Variants in C1GALT1 observed in about 807,000 individuals in gnomAD.
C1GALT1 encodes glycoprotein-N-acetylgalactosamine 3-beta-galactosyltransferase 1.
In C1GALT1, 11 loss-of-function variants were observed where a neutral mutation model predicts 31.0. The ratio of observed to expected loss-of-function variants is 0.36; its 90% CI spans 0.22 to 0.59. The LOEUF is 0.59. Among genes scored for constraint, C1GALT1 ranks in the 20% least tolerant of loss-of-function variants. C1GALT1 has a pLI of 0.79. For synonymous variants in C1GALT1, 175 were observed against 143.6 expected (o/e 1.22, Z -1.56); for missense variants, 424 against 425.2 (o/e 1.00, Z 0.03).
At chr7:7,190,754 A>G (rs6971686) in intron 1 of C1GALT1, among the ~76,000 whole-genome samples, 23,840 of 151,986 alleles carry the variant, frequency 0.16, 2,175 homozygotes, top group East Asian at 0.37. Context: ...CTTAAAATTG[A>G]TCAGATCAGA....
chr7:7,213,173 A>G (rs928962350), intron 1 of C1GALT1, among the ~76,000 whole-genome samples: 1 of 152,182 alleles, frequency 6.6e-6, no homozygotes, highest in Non-Finnish European at 1.5e-5. Flanking sequence ...CAGTGTTACA[A>G]TCTTCAAAGC....
At chr7:7,173,901 C>T (rs528340313) in intron 2 of C1GALT1, among the ~76,000 whole-genome samples, 1 of 152,108 alleles carries the variant, frequency 6.6e-6, no homozygotes, top group Non-Finnish European at 1.5e-5. Context: ...AGCAAGACTC[C>T]ATCTCAAATT....
At chr7:7,223,660 C>G (rs1449161454) in intron 1 of C1GALT1, among the ~76,000 whole-genome samples, 2 of 151,538 alleles carry the variant, frequency 1.3e-5, no homozygotes, top group African/African-American at 2.4e-5. Flanking sequence ...TTCACAAAAT[C>G]CTTGAGATTT....
intron 1 of C1GALT1, chr7:7,209,324 G>T (rs1004979822): frequency 1.3e-5 from 2 of 152,040 alleles, no homozygotes; most frequent in African/African-American, 4.8e-5. Flanking sequence ...GGTTTTTTTG[G>T]ACAGCATTTT....
In C1GALT1 at chr7:7,230,195, T is replaced by C. The variant is rs191748601; in HGVS notation, c.-17-4108T>C. Reference sequence around the variant, plus strand: ...TTTTGGGATATTTTTATATCAAATATGAATATATTAAGTATGTACTTAATG... The same window carrying C: ...TTTTGGGATATTTTTATATCAAATACGAATATATTAAGTATGTACTTAATG... On this transcript the variant is annotated intron_variant, in intron 1 of 3. Coordinates refer to ENST00000436587, the MANE Select transcript of C1GALT1 (RefSeq NM_020156.5). 2.6e-5 allele frequency among the ~76,000 whole-genome samples: 4 copies of C among 152,320 alleles called. No individual in the cohort carries two copies. In the East Asian group the frequency reaches 7.7e-4, roughly 29 times the overall value.
At chr7:7,225,893 A>G (rs539907620) in intron 1 of C1GALT1, among the ~76,000 whole-genome samples, 3 of 152,208 alleles carry the variant, frequency 2.0e-5, no homozygotes, top group Admixed American at 6.5e-5. Flanking sequence ...AGAAAGGGAA[A>G]GGATATGGAA....
In C1GALT1 at chr7:7,168,444, C is replaced by T. The variant is rs554357743; in HGVS notation, c.-18+11018C>T. Among the ~76,000 whole-genome samples the T allele has an allele frequency of 1.3e-5, 2 of 152,266 alleles. 1 individual carries two copies. The highest frequency in any genetic ancestry group is 4.8e-5 in the African/African-American group (2 of 41,546). On this transcript the variant is annotated intron_variant, in intron 2 of 3. Transcript: ENST00000429911. ...TGTGAATATTGATTCAAGTAACTTTCATGGGAAATGGGAAAGAGAACTAAT... is the reference window on the plus strand; with the variant it reads ...TGTGAATATTGATTCAAGTAACTTTTATGGGAAATGGGAAAGAGAACTAAT...
intron 1 of C1GALT1, among the ~76,000 whole-genome samples, chr7:7,229,071 T>C (rs1782939864): frequency 6.6e-6 from 1 of 152,160 alleles, no homozygotes; most frequent in Non-Finnish European, 1.5e-5. Flanking sequence ...AAATAGGAAT[T>C]TTCTCTGGTC....
At position 7,186,651 on chromosome 7, in the gene C1GALT1, A is replaced by G. The variant is rs115329172; in HGVS notation, c.-18+3831A>G. On this transcript the variant is annotated intron_variant, in intron 1 of 3. Transcript: ENST00000436587. ...TGGGTAAGCATAGGGTGGCCAGTGA[A>G]GACTCCTGAAAAGTAAAGACCTGAA... Among the ~76,000 whole-genome samples, 564 of 152,330 alleles carry G rather than the reference A, an allele frequency of 3.7e-3. 5 individuals carry two copies. The highest frequency in any genetic ancestry group is 0.013 in the African/African-American group (539 of 41,566).
intron 1 of C1GALT1, among the ~76,000 whole-genome samples, chr7:7,230,622 C>CCTTTTTTT (rs569548605): frequency 8.2e-6 from 1 of 121,522 alleles, no homozygotes; most frequent in African/African-American, 3.3e-5. Context: ...TCTATATTCC[C>CCTTTTTTT]TTTTTTTTTT....
chr7:7,210,774 G>T (rs968434995), intron 1 of C1GALT1, among the ~76,000 whole-genome samples: 3 of 152,194 alleles, frequency 2.0e-5, no homozygotes, highest in Non-Finnish European at 4.4e-5. Flanking sequence ...CAAGAAGGCT[G>T]TGGGAATCTC....
At chr7:7,219,247 C>T (rs956555217) in intron 1 of C1GALT1, among the ~76,000 whole-genome samples, 1 of 152,296 alleles carries the variant, frequency 6.6e-6, no homozygotes, top group Non-Finnish European at 1.5e-5. Flanking sequence ...TGAAAATATT[C>T]TATGATACTA....
At position 7,243,553 on chromosome 7, in the gene C1GALT1, T is replaced by G; in HGVS notation, c.918T>G (p.Val306=). 1.2e-6 allele frequency: 2 copies of G among 1,607,646 alleles called. No homozygotes were observed. Among genetic ancestry groups the G allele is most frequent in the Admixed American group, 1.7e-5 (1 of 58,442 alleles). ...CTGGTTGCTGCTCTGATCTTGCAGTTTCTTTTCACTATGTTGATTCTACAA... is the reference window on the plus strand; with the variant it reads ...CTGGTTGCTGCTCTGATCTTGCAGTGTCTTTTCACTATGTTGATTCTACAA... The part of the protein sequence containing the change: ...EGPGCCSDLA[V]SFHYVDSTTM... Residue 306 remains valine, a synonymous_variant, in exon 4 of 4, where the codon GTT becomes GTG. Transcript: ENST00000436587.
At chr7:7,234,693 T>G (rs528028481) in intron 2 of C1GALT1, 154 bp downstream of exon 2, 1 of 589,964 alleles carries the variant, frequency 1.7e-6, no homozygotes, top group East Asian at 2.9e-5. Context: ...TTGCTAAAAC[T>G]CAGATTTATT....
intron 1 of C1GALT1, among the ~76,000 whole-genome samples, chr7:7,189,889 T>TC (rs1296102648): frequency 6.6e-6 from 1 of 151,582 alleles, no homozygotes; most frequent in Admixed American, 6.6e-5. Context: ...TGTTTTTTTT[T>TC]CCCCAAAAGA....
chr7:7,241,195 A>G (rs1393443433), intron 3 of C1GALT1, among the ~76,000 whole-genome samples: 5 of 152,024 alleles, frequency 3.3e-5, no homozygotes, highest in Admixed American at 6.6e-5. Context: ...ACATTATTCT[A>G]TCTGAAACAT....
chr7:7,235,756 C>T (rs1783306862), intron 2 of C1GALT1, among the ~76,000 whole-genome samples: 1 of 152,202 alleles, frequency 6.6e-6, no homozygotes. Flanking sequence ...GCTCTTCCTC[C>T]TCTATTCTTT....
chr7:7,221,878 C>T (rs767519719), intron 1 of C1GALT1, among the ~76,000 whole-genome samples: 53 of 152,130 alleles, frequency 3.5e-4, no homozygotes, highest in Non-Finnish European at 5.1e-4. Context: ...ATGTACATGC[C>T]GTGGAAGTGT....
At chr7:7,207,257 T>G (rs920452025) in intron 1 of C1GALT1, among the ~76,000 whole-genome samples, 6 of 151,910 alleles carry the variant, frequency 3.9e-5, no homozygotes, top group Admixed American at 2.6e-4. Context: ...TTAATTTCAT[T>G]TATTGTACTT....
Sources: allele counts gnomAD v4.1 joint callset (sites outside exome capture counted in the v4.1 genomes callset), GRCh38; gene constraint gnomAD v4.1.1; transcripts MANE v1.5; gene names NCBI Gene and HGNC (gene_info 2026-07-23, HGNC 2026-07-21).